COL4A2: variants seen among roughly 807,000 people sequenced by gnomAD.
The protein encoded by COL4A2 is collagen type IV alpha 2 chain.
Under a neutral mutation model 200.2 loss-of-function variants are expected in COL4A2, and 99 were observed. The ratio of observed to expected loss-of-function variants is 0.49; its 90% CI spans 0.42 to 0.58. The LOEUF is 0.58. COL4A2 is among the 20% of genes least tolerant of loss of function. COL4A2 has a pLI of 0.00. For synonymous variants in COL4A2, 897 were observed against 900.6 expected (o/e 1.00, Z 0.07); for missense variants, 1,950 against 2,314.1 (o/e 0.84, Z 3.23).
At chr13:110,314,772 T>A (rs1282185977) in intron 3 of COL4A2, among the ~76,000 whole-genome samples, 1 of 152,222 alleles carries the variant, frequency 6.6e-6, no homozygotes, top group Non-Finnish European at 1.5e-5. Context: ...AGTACCCTCG[T>A]GCCCTCCTGG....
chr13:110,446,823 C>T lies in COL4A2; in HGVS notation c.1037C>T (p.Pro346Leu). 1.2e-6 allele frequency: 2 copies of T among 1,612,942 alleles called. No homozygotes were observed. Among genetic ancestry groups the T allele is most frequent in the Non-Finnish European group, 1.7e-6 (2 of 1,179,050 alleles). The change falls in exon 18 of 48, where the codon CCT (proline) becomes CTT (leucine). Residue 346 changes from proline to leucine, a missense_variant. Coordinates refer to ENST00000360467, the MANE Select transcript of COL4A2 (RefSeq NM_001846.4). ...PKGEAGDPGPPGLPAYSPHPS... is the reference protein window; with the variant it reads ...PKGEAGDPGPLGLPAYSPHPS... ...GGAGAAGCCGGAGACCCAGGGCCCC[C>T]TGGACTACCTGCCTACTCCCCTCAC...
At chr13:110,344,570 T>G (rs1162400199) in intron 3 of COL4A2, among the ~76,000 whole-genome samples, 1 of 152,144 alleles carries the variant, frequency 6.6e-6, no homozygotes, top group African/African-American at 2.4e-5. Flanking sequence ...TACCACTGAG[T>G]AACAGGATAG....
intron 4 of COL4A2, among the ~76,000 whole-genome samples, chr13:110,360,165 A>G (rs1877454266): frequency 6.6e-6 from 1 of 152,172 alleles, no homozygotes; most frequent in Non-Finnish European, 1.5e-5. Context: ...TTATATGGGC[A>G]TGGATAGAAT....
intron 4 of COL4A2, among the ~76,000 whole-genome samples, chr13:110,360,656 T>C (rs554016738): frequency 1.3e-5 from 2 of 152,250 alleles, no homozygotes; most frequent in African/African-American, 4.8e-5. Context: ...TCTGATTAAC[T>C]TGAGTAATCC....
At chr13:110,386,353 T>G (rs937543790) in intron 4 of COL4A2, among the ~76,000 whole-genome samples, 9 of 152,322 alleles carry the variant, frequency 5.9e-5, no homozygotes, top group Middle Eastern at 3.4e-3. Context: ...CAGGATTCAC[T>G]TTGTAAGAAG....
At position 110,436,251 on chromosome 13, in the gene COL4A2, T is replaced by C. The variant is rs916124300; in HGVS notation, c.727-18T>C. 1.5e-5 allele frequency: 24 copies of C among 1,613,636 alleles called. No homozygotes were observed. The highest frequency in any genetic ancestry group is 2.0e-5 in the Non-Finnish European group (24 of 1,179,770). On this transcript the variant is annotated intron_variant, in intron 12 of 47. Coordinates refer to ENST00000360467, the MANE Select transcript of COL4A2 (RefSeq NM_001846.4). Reference sequence around the variant, plus strand: ...CCTTTCGATTTAAAGACAACTGCTTTTGCTTAACAATATGCAGGGTGACGT... The same window carrying C: ...CCTTTCGATTTAAAGACAACTGCTTCTGCTTAACAATATGCAGGGTGACGT...
intron 44 of COL4A2, 21 bp from the exon 45 acceptor site, chr13:110,504,127 C>T (rs757421006): frequency 1.2e-5 from 19 of 1,610,086 alleles, no homozygotes; most frequent in Non-Finnish European, 1.5e-5. Flanking sequence ...CCAGCCATAA[C>T]GCTTCTTTGG....
chr13:110,317,679 C>G (rs1437872406), intron 3 of COL4A2, among the ~76,000 whole-genome samples: 1 of 152,192 alleles, frequency 6.6e-6, no homozygotes, highest in East Asian at 1.9e-4. Flanking sequence ...ACCAAGAGTC[C>G]TGCAGACACA....
At chr13:110,312,740 T>C (rs80212177) in intron 3 of COL4A2, among the ~76,000 whole-genome samples, 1,800 of 152,340 alleles carry the variant, frequency 0.012, 27 homozygotes, top group African/African-American at 0.041. Flanking sequence ...ACCCCCAGCC[T>C]TGGCTGATAG....
At chr13:110,353,969 AATGCATCAT>A (rs1053092053) in intron 3 of COL4A2, among the ~76,000 whole-genome samples, 4 of 152,198 alleles carry the variant, frequency 2.6e-5, no homozygotes, top group African/African-American at 9.6e-5. Context: ...CAAAAGTAAG[AATGCATCAT>A]TCATTTTTGA....
chr13:110,423,596 G>A (rs562636327), intron 4 of COL4A2, among the ~76,000 whole-genome samples: 10 of 152,258 alleles, frequency 6.6e-5, no homozygotes, highest in Admixed American at 2.0e-4. Flanking sequence ...TCATATTGGC[G>A]TGTCTGATTC....
chr13:110,418,679 T>C (rs547589162), intron 4 of COL4A2, among the ~76,000 whole-genome samples: 77 of 152,318 alleles, frequency 5.1e-4, no homozygotes, highest in African/African-American at 1.8e-3. Context: ...AAATTCTTAA[T>C]AAAGAATAGT....
rs1331532385 is a variant in COL4A2 at position 110,434,448 on chromosome 13, G to C, written c.726+6G>C. 6.2e-7 allele frequency: 1 copy of C among 1,613,670 alleles called. No homozygotes were observed. Among genetic ancestry groups the C allele is most frequent in the Non-Finnish European group, 8.5e-7 (1 of 1,179,664 alleles). ...ACGGAGTTAAGGGTGAAAAGGTAAA[G>C]GAAGCCTGGTCAATTCCAGCAGAGG... On this transcript the variant is annotated splice_donor_region_variant and intron_variant, in intron 12 of 47. Transcript: ENST00000360467.
At chr13:110,437,474 G>A (rs1046196234) in intron 13 of COL4A2, among the ~76,000 whole-genome samples, 13 of 152,314 alleles carry the variant, frequency 8.5e-5, no homozygotes, top group African/African-American at 2.2e-4. Context: ...CAAAGGACCC[G>A]CCAATTGCTG....
At chr13:110,459,403 G>GC (rs1209554294) in intron 22 of COL4A2, 1 of 154,394 alleles carries the variant, frequency 6.5e-6, no homozygotes, top group East Asian at 1.9e-4. Flanking sequence ...GGAGCAAGGT[G>GC]CTGAGCCATA....
chr13:110,416,836 G>A (rs1318536986), intron 4 of COL4A2, among the ~76,000 whole-genome samples: 1 of 152,222 alleles, frequency 6.6e-6, no homozygotes, highest in Non-Finnish European at 1.5e-5. Context: ...ATCTAATTCG[G>A]TCCTGACCCA....
intron 4 of COL4A2, among the ~76,000 whole-genome samples, chr13:110,420,709 CA>C (rs1329823802): frequency 6.6e-6 from 1 of 152,186 alleles, no homozygotes; most frequent in East Asian, 1.9e-4. Flanking sequence ...CGATGATTAG[CA>C]CAGAGGAAAA....
At chr13:110,378,319 A>G (rs1443340594) in intron 4 of COL4A2, among the ~76,000 whole-genome samples, 1 of 152,240 alleles carries the variant, frequency 6.6e-6, no homozygotes, top group African/African-American at 2.4e-5. Flanking sequence ...GGGAGGACAA[A>G]AGTTTTGTCC....
chr13:110,389,386 A>C (rs1878897991), intron 4 of COL4A2, among the ~76,000 whole-genome samples: 1 of 152,148 alleles, frequency 6.6e-6, no homozygotes, highest in African/African-American at 2.4e-5. Context: ...TAATCTGTGC[A>C]TGTGTGTATC....
Sources: gnomAD v4.1 joint callset for allele counts (sites outside exome capture counted in the v4.1 genomes callset) on GRCh38, gnomAD v4.1.1 for gene constraint, MANE v1.5 for transcripts, NCBI Gene and HGNC (gene_info 2026-07-23, HGNC 2026-07-21) for gene names.